Variants in TCHP observed in about 807,000 individuals in gnomAD.
TCHP encodes the protein trichoplein keratin filament binding.
A neutral mutation model predicts 88.7 loss-of-function variants in TCHP; 81 were observed. The ratio of observed to expected loss-of-function variants is 0.91; its 90% CI spans 0.76 to 1.10. The LOEUF is 1.10. Among genes scored for constraint, TCHP ranks in the 50% least tolerant of loss-of-function variants. TCHP has a pLI of 0.00. For missense variants in TCHP, 641 were observed against 632.1 expected (o/e 1.01, Z -0.15); for synonymous variants, 232 against 232.5 (o/e 1.00, Z 0.02).
At chr12:109,901,448 T>G (rs1010039708) in intron 1 of TCHP, among the ~76,000 whole-genome samples, 3 of 152,046 alleles carry the variant, frequency 2.0e-5, no homozygotes, top group Non-Finnish European at 2.9e-5. Context: ...TTACAAGACA[T>G]CAAGGACTCC....
chr12:109,912,616 C>T (rs1265123958), intron 9 of TCHP, among the ~76,000 whole-genome samples: 1 of 152,054 alleles, frequency 6.6e-6, no homozygotes, highest in African/African-American at 2.4e-5. Flanking sequence ...CATGGTGAAA[C>T]CCTGTCTCTA....
upstream of TCHP, among the ~76,000 whole-genome samples, chr12:109,898,055 G>A (rs140589717): frequency 2.6e-5 from 4 of 152,304 alleles, no homozygotes; most frequent in African/African-American, 4.8e-5. Context: ...TCTTATGCAC[G>A]CAGTGGGACA....
chr12:109,885,081 G>A, the TCHP span, among the ~76,000 whole-genome samples: 1 of 152,188 alleles, frequency 6.6e-6, no homozygotes, highest in African/African-American at 2.4e-5. Context: ...CGATTCTCCT[G>A]CCTCAGCCTC....
intron 6 of TCHP, 140 bp downstream of exon 6, chr12:109,907,839 C>T (rs1360706835): frequency 1.1e-6 from 1 of 870,578 alleles, no homozygotes; most frequent in Admixed American, 2.9e-5. Context: ...GGTTCTCCCT[C>T]TCACATGCAT....
Position 109,915,445 on chromosome 12 carries a change from G to A in TCHP, c.1363G>A (p.Glu455Lys), listed in dbSNP as rs773230374. The A allele has an allele frequency of 6.2e-7, 1 of 1,614,030 alleles. No individual in the cohort carries two copies. Among genetic ancestry groups the A allele is most frequent in the Non-Finnish European group, 8.5e-7 (1 of 1,179,952 alleles). The change falls in exon 12 of 13, where the codon GAG becomes AAG. Residue 455 changes from glutamate to lysine, a missense_variant. Glu to Lys is a moderately conservative substitution (Grantham distance 56). Coordinates refer to ENST00000405876, the MANE Select transcript of TCHP (RefSeq NM_001143852.2). ...GCAGGCATGGGAAGCAGACCAGCAG[G>A]AGGAGGAGGAAGAGGAGGAGGCCCG... The part of the protein sequence containing the change: ...RLQAWEADQQ[E>K]EEEEEEARRV...
chr12:109,883,199 A>ATTTTTT, the TCHP span, among the ~76,000 whole-genome samples: 4 of 127,726 alleles, frequency 3.1e-5, no homozygotes, highest in African/African-American at 1.2e-4. Flanking sequence ...ATGCTACCCT[A>ATTTTTT]TTTTTTTTTT....
upstream of TCHP, among the ~76,000 whole-genome samples, chr12:109,895,427 C>T (rs1394339510): frequency 6.6e-6 from 1 of 151,630 alleles, no homozygotes; most frequent in Non-Finnish European, 1.5e-5. Flanking sequence ...TCTATATTGC[C>T]AGGCTGGTCT....
Position 109,915,562 on chromosome 12 carries a change from G to A in TCHP, c.1464+16G>A. On this transcript the variant is annotated intron_variant, in intron 12 of 12. Transcript: ENST00000405876. ...CCGGCCTAAGGTAGGAAGTCTGCCA[G>A]GATATAGGCCAACACCGGCAAGACA... 3.1e-6 allele frequency: 5 copies of A among 1,604,378 alleles called. No individual in the cohort carries two copies. Among genetic ancestry groups the A allele is most frequent in the Non-Finnish European group, 4.3e-6 (5 of 1,174,454 alleles).
chr12:109,906,950 G>A (rs965043647), intron 5 of TCHP, among the ~76,000 whole-genome samples: 4 of 152,112 alleles, frequency 2.6e-5, no homozygotes, highest in African/African-American at 4.8e-5. Context: ...GTGCAGTGGC[G>A]CGACTCACAG....
Position 109,906,633 on chromosome 12 carries a change from A to G in TCHP, c.518A>G (p.Lys173Arg), listed in dbSNP as rs1339780500. ...VNSWEMQKEE[K>R]KQQEATAEQE... The stretch of plus-strand genomic sequence containing the variant: ...TCTTGGGAAATGCAGAAAGAAGAAA[A>G]AAAACAGGTGTGGTATGTGGCTCTG... Residue 173 changes from lysine (K) to arginine (R), a missense_variant, in exon 5 of 13, where the codon AAA becomes AGA. By Grantham distance (26) the Lys-to-Arg change is conservative (BLOSUM62 2). Transcript: ENST00000405876. 1 of 1,608,098 alleles carries G rather than the reference A, an allele frequency of 6.2e-7. No homozygotes were observed. Among genetic ancestry groups the G allele is most frequent in the Non-Finnish European group, 8.5e-7 (1 of 1,179,798 alleles).
At chr12:109,906,524 C>T in intron 4 of TCHP, 48 bp from the exon 5 acceptor site, 1 of 1,581,864 alleles carries the variant, frequency 6.3e-7, no homozygotes, top group Non-Finnish European at 8.7e-7. Context: ...CCCCACAGTG[C>T]CCATCTGTCT....
At chr12:109,911,266 C>A in intron 9 of TCHP, 31 bp downstream of exon 9, 1 of 1,285,584 alleles carries the variant, frequency 7.8e-7, no homozygotes, top group Admixed American at 2.3e-5. Flanking sequence ...GGGCTGGATG[C>A]TCCTGGCCTC....
At chr12:109,899,535 G>A (rs1869662632), upstream of TCHP, among the ~76,000 whole-genome samples, 1 of 152,152 alleles carries the variant, frequency 6.6e-6, no homozygotes, top group Non-Finnish European at 1.5e-5. Context: ...CTACTCGGTA[G>A]GCTGAGGCAG....
At chr12:109,904,816 G>A (rs1870033524) in intron 4 of TCHP, 23 bp downstream of exon 4, 2 of 1,603,232 alleles carry the variant, frequency 1.2e-6, no homozygotes, top group Admixed American at 1.7e-5. Flanking sequence ...GATCTCCATT[G>A]ATTTATCTAA....
At chr12:109,889,569 T>A in the TCHP span, among the ~76,000 whole-genome samples, 3 of 152,190 alleles carry the variant, frequency 2.0e-5, no homozygotes, top group South Asian at 4.1e-4. Flanking sequence ...TCCATCTTCA[T>A]GTGAGCTTCT....
chr12:109,911,321 A>G (rs907998280), intron 9 of TCHP, 86 bp downstream of exon 9: 1 of 705,550 alleles, frequency 1.4e-6, no homozygotes, highest in Non-Finnish European at 2.2e-6. Flanking sequence ...TGTTACTGAA[A>G]TATCTATTGG....
At chr12:109,901,802 A>G (rs190618549) in intron 1 of TCHP, among the ~76,000 whole-genome samples, 36 of 152,294 alleles carry the variant, frequency 2.4e-4, no homozygotes, top group Non-Finnish European at 4.9e-4. Context: ...CCAAAGTATA[A>G]AGGAAAATCA....
chr12:109,907,248 C>T (rs769603945), intron 5 of TCHP, among the ~76,000 whole-genome samples: 4 of 152,226 alleles, frequency 2.6e-5, no homozygotes, highest in Non-Finnish European at 4.4e-5. Context: ...ATCGTAAACT[C>T]GCAGCCCTGG....
Position 109,905,934 on chromosome 12 carries a change from C to T in TCHP, c.457-638C>T, listed in dbSNP as rs976329823. On this transcript the variant is annotated intron_variant, in intron 4 of 12. Transcript: ENST00000405876. This position sits in a 1 kb window ranked among gnomAD's most constrained non-coding sequence, Gnocchi z 4.0. Reference sequence around the variant, plus strand: ...CTCAGGCTGGTCTCAAACCTGGGCTCAAGTGATCCTCCCACCTCAGCCTCC... The same window carrying T: ...CTCAGGCTGGTCTCAAACCTGGGCTTAAGTGATCCTCCCACCTCAGCCTCC... Among the ~76,000 whole-genome samples the T allele has an allele frequency of 2.0e-5, 3 of 152,190 alleles. No individual in the cohort carries two copies. The highest frequency in any genetic ancestry group is 7.2e-5 in the African/African-American group (3 of 41,456).
Sources: gnomAD v4.1 joint callset for allele counts (sites outside exome capture counted in the v4.1 genomes callset) on GRCh38, gnomAD v4.1.1 for gene constraint, Gnocchi (gnomAD v3.1) non-coding constraint, MANE v1.5 for transcripts, NCBI Gene and HGNC (gene_info 2026-07-23, HGNC 2026-07-21) for gene names.